The following ABCA1 variants were observed in gnomAD, a reference collection of about 807,000 sequenced individuals.
ABCA1 encodes the protein ATP binding cassette subfamily A member 1.
ABCA1 carries 133 observed loss-of-function variants against 262.5 expected under a neutral mutation model. The observed-to-expected ratio is 0.51, with a 90% confidence interval of 0.44 to 0.59. The LOEUF is 0.59. ABCA1 is among the 20% of genes least tolerant of loss of function. The pLI is 0.00. For synonymous variants in ABCA1, 1,022 were observed against 1,043.5 expected, an observed-to-expected ratio of 0.98 and a Z score of 0.40; for missense variants, 2,452 against 2,777.5, an observed-to-expected ratio of 0.88 and a Z score of 2.63.
intron 8 of ABCA1, among the ~76,000 whole-genome samples, chr9:104,844,610 G>A (rs998349014): frequency 1.3e-5 from 2 of 152,088 alleles, no homozygotes; most frequent in Admixed American, 6.5e-5. Context: ...CCAAAAAATG[G>A]GTAGGTTAGA....
chr9:104,836,367 A>AACTC (rs1833819212), intron 11 of ABCA1, among the ~76,000 whole-genome samples: 1 of 152,204 alleles, frequency 6.6e-6, no homozygotes, highest in Non-Finnish European at 1.5e-5. Flanking sequence ...ATGATTCTCT[A>AACTC]ACTCAGCCCA....
chr9:104,918,717 G>A (rs1841973936), intron 1 of ABCA1, among the ~76,000 whole-genome samples: 1 of 152,092 alleles, frequency 6.6e-6, no homozygotes, highest in South Asian at 2.1e-4. Flanking sequence ...AACATGCCTG[G>A]GAATGGAGAA....
At position 104,841,997 on chromosome 9, in the gene ABCA1, G is replaced by A. The variant is rs889249217; in HGVS notation, c.814-1478C>T. Reference sequence around the variant, plus strand: ...TGGGAAGACTGAGCTATAGAGCACAGAGGGGAGGGGAAGGGCCACGAGGCC... The same window carrying A: ...TGGGAAGACTGAGCTATAGAGCACAAAGGGGAGGGGAAGGGCCACGAGGCC... On this transcript the variant is annotated intron_variant, in intron 8 of 49. Coordinates refer to ENST00000374736, the MANE Select transcript of ABCA1 (RefSeq NM_005502.4). Among the ~76,000 whole-genome samples, 4 of 152,374 alleles carry A rather than the reference G, an allele frequency of 2.6e-5. No individual in the cohort carries two copies. The South Asian group carries it at 6.2e-4, about 24-fold the overall frequency.
chr9:104,786,473 G>C (rs1828941670), intron 47 of ABCA1, 83 bp from the exon 48 acceptor site: 9 of 1,190,366 alleles, frequency 7.6e-6, no homozygotes, highest in South Asian at 3.6e-5. Context: ...CAGCATTCCA[G>C]CTTCCTAGGG....
chr9:104,885,538 T>C (rs927871729), intron 3 of ABCA1, among the ~76,000 whole-genome samples: 3 of 152,180 alleles, frequency 2.0e-5, no homozygotes, highest in Non-Finnish European at 4.4e-5. Flanking sequence ...GTTGTTATTA[T>C]TGTTGTTTTG....
chr9:104,805,910 G>A (rs1588249185), intron 31 of ABCA1, among the ~76,000 whole-genome samples: 1 of 152,194 alleles, frequency 6.6e-6, no homozygotes, highest in South Asian at 2.1e-4. Context: ...TTCCAGACCA[G>A]CCTAGCCAAC....
chr9:104,899,239 G>GA lies in ABCA1; in HGVS notation c.66+4374_66+4375insT, dbSNP rs199941380. On this transcript the variant is annotated intron_variant, in intron 2 of 49. Transcript: ENST00000374736. ...GATTGGAATCATGACCACTGCTGCC[G>GA]GCCCAGGAGTAAGGACAGGGAAGAA... Among the ~76,000 whole-genome samples, 1,110 of 152,280 alleles carry GA rather than the reference G, an allele frequency of 7.3e-3. 17 individuals are homozygous for GA. Among genetic ancestry groups the GA allele is most frequent in the African/African-American group, 0.025 (1,054 of 41,542 alleles).
Position 104,788,458 on chromosome 9 carries a change from A to G in ABCA1, c.6037T>C (p.Leu2013=). The G allele has an allele frequency of 1.2e-6, 2 of 1,614,158 alleles. No homozygotes were observed. The highest frequency in any genetic ancestry group is 1.7e-4 in the Middle Eastern group (1 of 6,060). The change falls in exon 45 of 50, where the codon TTG becomes CTG. Residue 2013 remains leucine (L), a synonymous_variant. Coordinates refer to ENST00000374736, the MANE Select transcript of ABCA1 (RefSeq NM_005502.4). ...GREHVEFFAL[L]RGVPEKEVGK... is the part of the protein sequence containing the mutation. ...ACTTCTTTCTCTGGGACTCCTCTCA[A>G]AAGGGCAAAGAACTCCACGTGTTCT...
intron 5 of ABCA1, among the ~76,000 whole-genome samples, chr9:104,862,101 T>C (rs1008944601): frequency 1.3e-5 from 2 of 150,004 alleles, no homozygotes; most frequent in African/African-American, 5.0e-5. Flanking sequence ...GCCTTTCCTT[T>C]TCTTTTTTTT....
intron 5 of ABCA1, among the ~76,000 whole-genome samples, chr9:104,865,731 C>T (rs1366583275): frequency 2.0e-5 from 3 of 152,106 alleles, no homozygotes; most frequent in Admixed American, 2.0e-4. Context: ...ATAGTATCCA[C>T]ATTTCAAAGA....
intron 5 of ABCA1, among the ~76,000 whole-genome samples, chr9:104,864,816 C>T (rs1836941928): frequency 6.6e-6 from 1 of 152,020 alleles, no homozygotes; most frequent in South Asian, 2.1e-4. Flanking sequence ...CTCTCCAGAC[C>T]AGTGAGTGTG....
intron 23 of ABCA1, among the ~76,000 whole-genome samples, chr9:104,818,382 T>A (rs1381281004): frequency 2.0e-5 from 3 of 152,124 alleles, no homozygotes; most frequent in African/African-American, 7.2e-5. Context: ...TCTTGACAAG[T>A]CTCTTTTCTT....
intron 4 of ABCA1, among the ~76,000 whole-genome samples, chr9:104,884,082 A>T (rs1018661083): frequency 1.3e-5 from 2 of 152,184 alleles, no homozygotes; most frequent in Non-Finnish European, 2.9e-5. Context: ...TCCAGCATGC[A>T]TCTTTGTGCC....
At chr9:104,851,921 C>T (rs570504135) in intron 7 of ABCA1, among the ~76,000 whole-genome samples, 13 of 152,206 alleles carry the variant, frequency 8.5e-5, no homozygotes, top group Non-Finnish European at 1.8e-4. Flanking sequence ...GAAAACACAT[C>T]TGTGCAATTA....
At chr9:104,913,843 T>C (rs970849473) in intron 1 of ABCA1, among the ~76,000 whole-genome samples, 2 of 152,232 alleles carry the variant, frequency 1.3e-5, no homozygotes, top group African/African-American at 4.8e-5. Flanking sequence ...TCGCCCAGGC[T>C]GGAGTGCAGT....
chr9:104,898,829 C>A (rs1196934576), intron 2 of ABCA1, among the ~76,000 whole-genome samples: 1 of 152,152 alleles, frequency 6.6e-6, no homozygotes, highest in Non-Finnish European at 1.5e-5. Flanking sequence ...GGGCTCTCAG[C>A]TTTAATGTGA....
intron 1 of ABCA1, 111 bp from the exon 2 acceptor site, chr9:104,903,882 T>C (rs1840873368): frequency 1.6e-6 from 1 of 618,684 alleles, no homozygotes; most frequent in Non-Finnish European, 2.9e-6. Flanking sequence ...CACACAGCTC[T>C]GCATCATGAC....
intron 23 of ABCA1, 93 bp downstream of exon 23, chr9:104,818,570 G>T: frequency 3.2e-6 from 4 of 1,241,380 alleles, no homozygotes; most frequent in Non-Finnish European, 3.6e-6. Flanking sequence ...GTTTCAACAT[G>T]GCAAAAGGGG....
At chr9:104,895,452 C>A (rs987129512) in intron 2 of ABCA1, among the ~76,000 whole-genome samples, 1 of 152,112 alleles carries the variant, frequency 6.6e-6, no homozygotes, top group Non-Finnish European at 1.5e-5. Flanking sequence ...ACATACATTC[C>A]CAGGATTGTG....
Sources: gnomAD v4.1 joint callset for allele counts (sites outside exome capture counted in the v4.1 genomes callset) on GRCh38, gnomAD v4.1.1 for gene constraint, MANE v1.5 for transcripts, NCBI Gene and HGNC (gene_info 2026-07-23, HGNC 2026-07-21) for gene names.